The following EPHB1 variants were observed in gnomAD, a reference collection of about 807,000 sequenced individuals.
EPHB1 encodes the protein ephrin type-B receptor 1.
A neutral mutation model predicts 94.4 loss-of-function variants in EPHB1; 30 were observed. That is an observed-to-expected ratio of 0.32 (90% CI 0.24 to 0.43). The LOEUF is 0.43. Ranked by LOEUF, EPHB1 falls within the 20% of genes least tolerant of loss-of-function variation. The probability of loss-of-function intolerance (pLI) is 1.00; values close to 1 mark genes in which losing one functional copy is unlikely to be tolerated. For synonymous variants in EPHB1, 522 were observed against 489.1 expected, an observed-to-expected ratio of 1.07 and a Z score of -0.89; for missense variants, 1,055 against 1,308.3, an observed-to-expected ratio of 0.81 and a Z score of 2.99.
intron 12 of EPHB1, among the ~76,000 whole-genome samples, chr3:135,207,192 T>G (rs1383296909): frequency 6.6e-6 from 1 of 152,214 alleles, no homozygotes; most frequent in African/African-American, 2.4e-5. Context: ...TTGGATTACT[T>G]GCTGTGATAA....
chr3:134,907,832 G>A (rs2038367528), intron 1 of EPHB1, among the ~76,000 whole-genome samples: 1 of 152,242 alleles, frequency 6.6e-6, no homozygotes, highest in African/African-American at 2.4e-5. Context: ...TTTCGGAAGT[G>A]AGGGATAATT....
chr3:134,840,271 C>A lies in EPHB1; in HGVS notation c.58+44582C>A, dbSNP rs1482929625. On this transcript the variant is annotated intron_variant, in intron 1 of 15. Coordinates refer to ENST00000398015, the MANE Select transcript of EPHB1 (RefSeq NM_004441.5). Reference sequence around the variant, plus strand: ...TTGACCTACAGAAGGTGCTCTAGACCCAGATGCCTACTGGGGGCCCATAGG... The same window carrying A: ...TTGACCTACAGAAGGTGCTCTAGACACAGATGCCTACTGGGGGCCCATAGG... Among the ~76,000 whole-genome samples, 8 of 152,226 alleles carry A rather than the reference C, an allele frequency of 5.3e-5. No homozygotes were observed. The South Asian group carries it at 1.7e-3, about 32-fold the overall frequency.
chr3:135,200,056 C>T (rs1942715610), intron 11 of EPHB1, among the ~76,000 whole-genome samples: 1 of 152,130 alleles, frequency 6.6e-6, no homozygotes, highest in Non-Finnish European at 1.5e-5. Context: ...CCCCAGGTGT[C>T]CTGCTTCCAT....
chr3:134,987,642 G>A (rs1207096542), intron 3 of EPHB1, among the ~76,000 whole-genome samples: 5 of 152,122 alleles, frequency 3.3e-5, no homozygotes, highest in South Asian at 2.1e-4. Flanking sequence ...GTGGTGGCAC[G>A]CGCTTGTAGT....
chr3:135,141,349 TGCTTA>T (rs1042136208), intron 5 of EPHB1, among the ~76,000 whole-genome samples: 36 of 152,242 alleles, frequency 2.4e-4, no homozygotes, highest in African/African-American at 8.2e-4. Flanking sequence ...GTTGTTTATG[TGCTTA>T]GGCTCTATTT....
At chr3:135,183,038 C>G (rs138230132) in intron 10 of EPHB1, among the ~76,000 whole-genome samples, 1 of 65,710 alleles carries the variant, frequency 1.5e-5, no homozygotes, top group African/African-American at 6.1e-5. Context: ...TTCTTTCTTT[C>G]TTTCTTTCTT....
At chr3:135,167,844 C>A (rs1262282121) in intron 9 of EPHB1, among the ~76,000 whole-genome samples, 1 of 152,214 alleles carries the variant, frequency 6.6e-6, no homozygotes, top group Non-Finnish European at 1.5e-5. Context: ...AGCCTCATCT[C>A]ACCTCAACCC....
intron 13 of EPHB1, among the ~76,000 whole-genome samples, chr3:135,247,281 T>C (rs1168644957): frequency 2.0e-5 from 3 of 152,222 alleles, no homozygotes; most frequent in Non-Finnish European, 2.9e-5. Context: ...TGGTTTTTGT[T>C]TTTTACAAAG....
At chr3:134,904,080 GATCTCCAAGCCCTTTTGGATCCCC>G (rs1323155198) in intron 1 of EPHB1, among the ~76,000 whole-genome samples, 1 of 152,166 alleles carries the variant, frequency 6.6e-6, no homozygotes, top group Non-Finnish European at 1.5e-5. Context: ...TGGCCTAGGA[GATCTCCAAGCCCTTTTGGATCCCC>G]CAGCCCTGGA....
chr3:134,930,417 G>A (rs2038884016), intron 2 of EPHB1, among the ~76,000 whole-genome samples: 1 of 152,228 alleles, frequency 6.6e-6, no homozygotes, highest in Non-Finnish European at 1.5e-5. Context: ...AGAGGAAAAA[G>A]GTAACAAACA....
intron 1 of EPHB1, among the ~76,000 whole-genome samples, chr3:134,874,456 G>A (rs2037575383): frequency 6.6e-6 from 1 of 152,182 alleles, no homozygotes; most frequent in Admixed American, 6.5e-5. Context: ...CCTGCATGAT[G>A]TGCACATGTA....
intron 1 of EPHB1, among the ~76,000 whole-genome samples, chr3:134,912,901 G>A (rs2107695428): frequency 6.6e-6 from 1 of 152,324 alleles, no homozygotes; most frequent in Non-Finnish European, 1.5e-5. Flanking sequence ...GGGCATGAAA[G>A]GGTATCTGGC....
intron 1 of EPHB1, among the ~76,000 whole-genome samples, chr3:134,904,449 C>T (rs956398062): frequency 6.6e-6 from 1 of 151,426 alleles, no homozygotes; most frequent in African/African-American, 2.4e-5. Flanking sequence ...GAGTGGGTGT[C>T]AGCCTGGGCC....
intron 13 of EPHB1, 88 bp downstream of exon 13, chr3:135,241,385 C>T (rs1006613097): frequency 1.4e-5 from 21 of 1,530,322 alleles, no homozygotes; most frequent in Admixed American, 1.2e-4. Context: ...GTTTTCAGCT[C>T]ACGGCCTCAT....
At chr3:135,032,518 G>T (rs559585660) in intron 3 of EPHB1, among the ~76,000 whole-genome samples, 1 of 151,914 alleles carries the variant, frequency 6.6e-6, no homozygotes, top group African/African-American at 2.4e-5. Flanking sequence ...TGTAGGTTTT[G>T]TTACCTCAGA....
At chr3:134,828,332 G>A (rs2036523708) in intron 1 of EPHB1, among the ~76,000 whole-genome samples, 1 of 152,220 alleles carries the variant, frequency 6.6e-6, no homozygotes. Context: ...AGTGTAATGA[G>A]AAGTTTGGTG....
intron 1 of EPHB1, among the ~76,000 whole-genome samples, chr3:134,904,415 C>G (rs1411124117): frequency 6.6e-6 from 1 of 152,154 alleles, no homozygotes; most frequent in Non-Finnish European, 1.5e-5. Flanking sequence ...CAGGCAGCTG[C>G]TAGGGTGGTG....
chr3:135,213,574 A>C lies in EPHB1; in HGVS notation c.2346+11885A>C, dbSNP rs1411117482. 2.6e-5 allele frequency among the ~76,000 whole-genome samples: 4 copies of C among 152,312 alleles called. No individual in the cohort carries two copies. In the South Asian group the frequency reaches 8.3e-4, roughly 32 times the overall value. On this transcript the variant is annotated intron_variant, in intron 12 of 15. Coordinates refer to ENST00000398015, the MANE Select transcript of EPHB1 (RefSeq NM_004441.5). ...TACCAGGAAAGGTGTCACATCTTTG[A>C]TTAACTTATTGCATTTGGAGCTCAC...
intron 1 of EPHB1, among the ~76,000 whole-genome samples, chr3:134,843,227 G>C (rs1362228863): frequency 6.6e-6 from 1 of 152,006 alleles, no homozygotes; most frequent in African/African-American, 2.4e-5. Context: ...TTACCTTTGG[G>C]CCTCCATTGT....
Sources: gnomAD v4.1 joint callset for allele counts (sites outside exome capture counted in the v4.1 genomes callset) on GRCh38, gnomAD v4.1.1 for gene constraint, MANE v1.5 for transcripts, NCBI Gene and HGNC (gene_info 2026-07-23, HGNC 2026-07-21) for gene names.